HIVEP1: variants seen among roughly 807,000 people sequenced by gnomAD.
HIVEP1 encodes zinc finger protein 40.
HIVEP1 carries 36 observed loss-of-function variants against 180.0 expected under a neutral mutation model. The observed-to-expected ratio is 0.20, with a 90% CI of 0.15 to 0.26. The LOEUF is 0.26. HIVEP1 is among the 10% of genes least tolerant of loss of function. HIVEP1 has a pLI of 1.00. For synonymous variants in HIVEP1, 1,239 were observed against 1,239.0 expected, an observed-to-expected ratio of 1.00 and a Z score of 0.00; for missense variants, 3,143 against 3,268.7, an observed-to-expected ratio of 0.96 and a Z score of 0.94.
chr6:12,168,069 A>ATACG (rs1180206186), downstream of HIVEP1, among the ~76,000 whole-genome samples: 4 of 350 alleles, frequency 0.011, no homozygotes, highest in Admixed American at 0.038. Context: ...ATATACATAT[A>ATACG]TATGTGTATA....
rs1026977887 is a variant in HIVEP1 at position 12,013,214 on chromosome 6, C to T, written c.-104+648C>T. On this transcript the variant is annotated intron_variant, in intron 1 of 8. Coordinates refer to ENST00000379388, the MANE Select transcript of HIVEP1 (RefSeq NM_002114.4). Reference sequence around the variant, plus strand: ...CCTGAGCTGGCACTTCCATTCCCCCCCTCCTCCTGGCATGCGAAGCGCTTT... The same window carrying T: ...CCTGAGCTGGCACTTCCATTCCCCCTCTCCTCCTGGCATGCGAAGCGCTTT... 4.3e-4 allele frequency among the ~76,000 whole-genome samples: 65 copies of T among 152,346 alleles called. 1 individual carries two copies. The highest frequency in any genetic ancestry group is 7.2e-4 in the Non-Finnish European group (49 of 68,026).
At chr6:12,090,951 G>A (rs1319858672) in intron 3 of HIVEP1, among the ~76,000 whole-genome samples, 2 of 152,048 alleles carry the variant, frequency 1.3e-5, no homozygotes, top group African/African-American at 2.4e-5. Flanking sequence ...TTGGGCTACA[G>A]TTGGCAGGCT....
intron 3 of HIVEP1, among the ~76,000 whole-genome samples, chr6:12,114,940 G>T (rs1027071961): frequency 1.3e-5 from 2 of 152,096 alleles, no homozygotes; most frequent in East Asian, 3.8e-4. Context: ...TAGAAAACAG[G>T]TACTACTTAT....
intron 2 of HIVEP1, among the ~76,000 whole-genome samples, chr6:12,081,041 A>G (rs1434702830): frequency 2.0e-5 from 3 of 151,458 alleles, no homozygotes; most frequent in South Asian, 4.2e-4. Flanking sequence ...TACCTGTGTC[A>G]CTCTTCACAC....
chr6:12,074,209 T>A (rs990211589), intron 2 of HIVEP1, among the ~76,000 whole-genome samples: 2 of 152,218 alleles, frequency 1.3e-5, no homozygotes, highest in African/African-American at 2.4e-5. Flanking sequence ...CTAAAGATGA[T>A]GTGAGTGTCC....
chr6:12,173,552 G>T, the HIVEP1 span, among the ~76,000 whole-genome samples: 1 of 152,130 alleles, frequency 6.6e-6, no homozygotes, highest in Non-Finnish European at 1.5e-5. Context: ...GGCAATAGAG[G>T]TCCCTACATA....
chr6:12,190,799 C>T, the HIVEP1 span, among the ~76,000 whole-genome samples: 1 of 152,108 alleles, frequency 6.6e-6, no homozygotes, highest in East Asian at 1.9e-4. Context: ...TAAGAGTACC[C>T]GACACATTGC....
chr6:12,089,443 A>T (rs1773321522), intron 3 of HIVEP1, among the ~76,000 whole-genome samples: 1 of 152,130 alleles, frequency 6.6e-6, no homozygotes, highest in African/African-American at 2.4e-5. Flanking sequence ...TGTTTCCCAC[A>T]TATTAATGTA....
chr6:12,133,900 C>T (rs2113580375), intron 6 of HIVEP1, among the ~76,000 whole-genome samples: 1 of 152,028 alleles, frequency 6.6e-6, no homozygotes, highest in Middle Eastern at 3.4e-3. Flanking sequence ...ATGGCTTGAA[C>T]CCGGGAGATG....
chr6:12,030,574 T>C (rs1768877309), intron 2 of HIVEP1, among the ~76,000 whole-genome samples: 1 of 152,230 alleles, frequency 6.6e-6, no homozygotes, highest in Admixed American at 6.5e-5. Flanking sequence ...AGTAAATTTT[T>C]CATTTCACTT....
upstream of HIVEP1, among the ~76,000 whole-genome samples, chr6:12,011,729 C>A (rs1767324109): frequency 6.7e-6 from 1 of 148,868 alleles, no homozygotes; most frequent in Admixed American, 6.6e-5. Context: ...GCACTGGCTC[C>A]GGGTTCGTGC....
At chr6:12,149,335 G>A (rs1759554520) in intron 7 of HIVEP1, among the ~76,000 whole-genome samples, 3 of 152,190 alleles carry the variant, frequency 2.0e-5, no homozygotes, top group African/African-American at 7.2e-5. Flanking sequence ...AGAGTTTGCA[G>A]AACAGTAGCC....
intron 2 of HIVEP1, among the ~76,000 whole-genome samples, chr6:12,021,661 G>C (rs1237277515): frequency 6.6e-6 from 1 of 152,108 alleles, no homozygotes; most frequent in East Asian, 1.9e-4. Context: ...AGAATATTTG[G>C]TTGTGTTAAC....
intron 3 of HIVEP1, among the ~76,000 whole-genome samples, chr6:12,101,656 G>A (rs1018019980): frequency 2.6e-5 from 4 of 151,882 alleles, no homozygotes; most frequent in African/African-American, 9.7e-5. Flanking sequence ...TTCACTTAAT[G>A]TAAAAGAAAA....
chr6:12,145,398 T>A (rs1759310010), intron 7 of HIVEP1, among the ~76,000 whole-genome samples: 1 of 151,782 alleles, frequency 6.6e-6, no homozygotes, highest in African/African-American at 2.4e-5. Flanking sequence ...GGGATAGCAT[T>A]AGGAGATATA....
At chr6:12,191,159 TCA>T in the HIVEP1 span, among the ~76,000 whole-genome samples, 3 of 152,222 alleles carry the variant, frequency 2.0e-5, no homozygotes, top group African/African-American at 4.8e-5. Context: ...TGTCTAATTC[TCA>T]CAATAGCATT....
At chr6:12,095,610 T>C (rs2113365475) in intron 3 of HIVEP1, among the ~76,000 whole-genome samples, 1 of 152,080 alleles carries the variant, frequency 6.6e-6, no homozygotes, top group South Asian at 2.1e-4. Flanking sequence ...AATTATTTCT[T>C]CTCTGTTTCT....
intron 6 of HIVEP1, among the ~76,000 whole-genome samples, chr6:12,133,107 G>A (rs9380831): frequency 0.11 from 17,399 of 152,096 alleles, 1,139 homozygotes; most frequent in Middle Eastern, 0.18. Flanking sequence ...ACAGCAAAAC[G>A]CTCTCAGAAA....
chr6:12,124,289 C>A lies in HIVEP1; in HGVS notation c.4494C>A (p.Ser1498=). 6.2e-7 allele frequency: 1 copy of A among 1,614,058 alleles called. No homozygotes were observed. The highest frequency in any genetic ancestry group is 8.5e-7 in the Non-Finnish European group (1 of 1,180,012). ...VKDLQAETSN[S]SSTNVFPVQQ... ...ATCTGCAGGCAGAAACATCAAACTC[C>A]AGCTCTACCAACGTTTTTCCTGTTC... Residue 1498 remains serine (S), a synonymous_variant, in exon 4 of 9, where the codon TCC becomes TCA. Coordinates refer to ENST00000379388, the MANE Select transcript of HIVEP1 (RefSeq NM_002114.4).
Sources: gnomAD v4.1 joint callset for allele counts (sites outside exome capture counted in the v4.1 genomes callset) on GRCh38, gnomAD v4.1.1 for gene constraint, MANE v1.5 for transcripts, NCBI Gene and HGNC (gene_info 2026-07-23, HGNC 2026-07-21) for gene names.